The following CUX1 variants were observed in gnomAD, a reference collection of about 807,000 sequenced individuals.
CUX1 encodes the protein protein CASP.
A neutral mutation model predicts 158.8 loss-of-function variants in CUX1; 31 were observed. The observed-to-expected ratio is 0.20, with a 90% CI of 0.15 to 0.26. CUX1 has a LOEUF of 0.26. Ranked by LOEUF, CUX1 falls within the 10% of genes least tolerant of loss-of-function variation. CUX1 has a pLI of 1.00. For missense variants in CUX1, 1,589 were observed against 2,014.6 expected, an observed-to-expected ratio of 0.79 and a Z score of 4.04; for synonymous variants, 879 against 862.1, an observed-to-expected ratio of 1.02 and a Z score of -0.34.
chr7:101,969,079 GC>G (rs1185889342), intron 2 of CUX1, among the ~76,000 whole-genome samples: 2 of 151,724 alleles, frequency 1.3e-5, no homozygotes, highest in Non-Finnish European at 2.9e-5. Flanking sequence ...TGTAACCCCA[GC>G]ACTTTGGGAG....
At chr7:102,282,682 G>C in intron 21 of CUX1, 1 of 1,608,892 alleles carries the variant, frequency 6.2e-7, no homozygotes, top group Non-Finnish European at 8.5e-7. Flanking sequence ...TGAGGCGAAC[G>C]GGCAGCTCAC....
chr7:101,848,051 C>CAAAAA (rs57428019), intron 1 of CUX1, among the ~76,000 whole-genome samples: 1,177 of 64,514 alleles, frequency 0.018, no homozygotes, highest in East Asian at 0.026. Flanking sequence ...GAGCAAGACT[C>CAAAAA]AAAAAAAAAA....
Position 102,248,493 on chromosome 7 carries a change from G to A in CUX1, c.3969G>A (p.Ser1323=), listed in dbSNP as rs782601198. The A allele has an allele frequency of 4.5e-5, 71 of 1,571,412 alleles. No homozygotes were observed. In the African/African-American group the frequency reaches 5.5e-4, roughly 12 times the overall value. Residue 1323 remains serine (S), a synonymous_variant, in exon 24 of 24, where the codon TCG becomes TCA. Transcript: ENST00000292535. This position sits in a 1 kb window ranked among gnomAD's most constrained non-coding sequence, Gnocchi z 5.8. The part of the protein sequence containing the change: ...QGQAGASDSP[S]ARSGRAAPSS... ...AGGCGGGCGCCAGCGACTCACCCTC[G>A]GCCCGCAGCGGCCGGGCGGCGCCCA... is the stretch of plus-strand genomic sequence containing the variant.
chr7:102,106,072 CT>C (rs1370572773), intron 6 of CUX1, among the ~76,000 whole-genome samples: 3 of 105,960 alleles, frequency 2.8e-5, no homozygotes, highest in Non-Finnish European at 6.0e-5. Flanking sequence ...GTGAACTTTT[CT>C]TTTTTCTTTT....
Position 102,227,951 on chromosome 7 carries a change from C to CTTT in CUX1, c.3433+299_3433+301dup, listed in dbSNP as rs781968632. On this transcript the variant is annotated intron_variant, in intron 21 of 23. Transcript: ENST00000292535. ...TCCACACAGACTGTCTCTTTTTTTT[C>CTTT]TTTTTTTTTTTTTTTTTTTGAGACA... Among the ~76,000 whole-genome samples, 218 of 117,278 alleles carry CTTT rather than the reference C, an allele frequency of 1.9e-3. 2 individuals carry two copies. The highest frequency in any genetic ancestry group is 2.8e-3 in the Admixed American group (27 of 9,790). The allele number at this position is 117,278 out of a possible 152,430, so 76.9% of individuals were successfully genotyped here.
Position 102,239,416 on chromosome 7 carries a change from C to A in CUX1, c.3719C>A (p.Pro1240His), listed in dbSNP as rs782311384. 4 of 1,613,864 alleles carry A rather than the reference C, an allele frequency of 2.5e-6. No individual in the cohort carries two copies. The African/African-American group carries it at 4.0e-5, about 16-fold the overall frequency. ...TACAGCCAGGGCGCCAGCCCCCAGC[C>A]CCAGCACCAGCTGAAGAAACCCCGG... ...TEYSQGASPQ[P>H]QHQLKKPRVV... Residue 1240 changes from proline (P) to histidine (H), a missense_variant, in exon 23 of 24, where the codon CCC (proline) becomes CAC (histidine). Transcript: ENST00000292535.
chr7:102,257,795 T>C lies in CUX1; in HGVS notation c.*8753T>C, dbSNP rs1427044380. ...CTGTAACGCACCAAGTCTTAGATCT[T>C]TCTAGAGCTTGTTTGTTCATCCTCA... On this transcript the variant is annotated 3_prime_UTR_variant, in exon 24 of 24. Transcript: ENST00000292535. 2 of 985,096 alleles carry C rather than the reference T, an allele frequency of 2.0e-6. No homozygotes were observed. The highest frequency in any genetic ancestry group is 2.4e-6 in the Non-Finnish European group (2 of 829,894). 61.0% of individuals were successfully genotyped at this position (985,096 alleles called of 1,614,324 possible). A position where few individuals can be genotyped will look rare whatever the true frequency, so the allele number is the denominator to read the frequency against.
In CUX1 at chr7:102,196,702, C is replaced by T; in HGVS notation, c.1291C>T (p.Pro431Ser). 1 of 1,608,566 alleles carries T rather than the reference C, an allele frequency of 6.2e-7. No individual in the cohort carries two copies. Reference protein sequence around the residue: ...RRPGSLPAPPPSQLPRNPGEQ... With the variant: ...RRPGSLPAPPSSQLPRNPGEQ... The stretch of plus-strand genomic sequence containing the variant: ...CCCGGGATCTTTGCCGGCCCCCCCT[C>T]CTTCTCAGTTGCCCCGCAACCCGGG... Residue 431 changes from proline to serine, a missense_variant, in exon 15 of 24, where the codon CCT becomes TCT. Coordinates refer to ENST00000292535, the MANE Select transcript of CUX1 (RefSeq NM_181552.4).
At chr7:102,207,863 T>G (rs1796112016) in intron 20 of CUX1, among the ~76,000 whole-genome samples, 2 of 152,192 alleles carry the variant, frequency 1.3e-5, no homozygotes, top group African/African-American at 4.8e-5. Context: ...TCATATGGTT[T>G]TCCTCGTCTG....
Position 102,115,190 on chromosome 7 carries a change from A to G in CUX1, c.608-17A>G. On this transcript the variant is annotated splice_polypyrimidine_tract_variant and intron_variant, in intron 7 of 23. Transcript: ENST00000292535. ...TTAAAATTTCATTTAAATAGTTAGT[A>G]ATTCTTTGCCTTTCAGCCCTGGAAA... 1.2e-6 allele frequency: 2 copies of G among 1,604,680 alleles called. No homozygotes were observed. The highest frequency in any genetic ancestry group is 2.2e-5 in the South Asian group (2 of 89,714).
At chr7:101,823,782 GCT>G (rs1792948263) in intron 1 of CUX1, among the ~76,000 whole-genome samples, 1 of 152,198 alleles carries the variant, frequency 6.6e-6, no homozygotes, top group South Asian at 2.1e-4. Flanking sequence ...TGACAAATTA[GCT>G]CTTTCTTAAG....
intron 1 of CUX1, among the ~76,000 whole-genome samples, chr7:101,893,454 G>C (rs1801118429): frequency 1.3e-5 from 2 of 152,112 alleles, no homozygotes; most frequent in Non-Finnish European, 2.9e-5. Context: ...TCAGCTCCAG[G>C]CTGTGGTGTG....
rs1554488433 is a variant in CUX1 at position 102,106,349 on chromosome 7, A to G, written c.530+1890A>G. The stretch of plus-strand genomic sequence containing the variant: ...GTGATCTGCCCGCCTCGGCCTCCCA[A>G]AGTGCTGGGATTACAGGCGTGAGCC... On this transcript the variant is annotated intron_variant, in intron 6 of 23. Coordinates refer to ENST00000292535, the MANE Select transcript of CUX1 (RefSeq NM_181552.4). Among the ~76,000 whole-genome samples the G allele has an allele frequency of 2.6e-5, 4 of 152,052 alleles. No individual in the cohort carries two copies. In the South Asian group the frequency reaches 6.2e-4, roughly 24 times the overall value.
intron 4 of CUX1, among the ~76,000 whole-genome samples, chr7:102,081,064 G>A (rs1261963890): frequency 1.3e-5 from 2 of 152,182 alleles, no homozygotes; most frequent in Non-Finnish European, 2.9e-5. Flanking sequence ...ACTCCCCTGG[G>A]AGGTGACTGC....
upstream of CUX1, chr7:101,817,081 G>C (rs566829622): frequency 6.9e-4 from 683 of 984,644 alleles, no homozygotes; most frequent in Middle Eastern, 3.7e-3. This position sits in a 1 kb window ranked among gnomAD's most constrained non-coding sequence, Gnocchi z 4.1. Context: ...GGCGGCGGGG[G>C]TGCCCCGCGC....
At chr7:101,881,410 T>C (rs1799691449) in intron 1 of CUX1, among the ~76,000 whole-genome samples, 1 of 152,258 alleles carries the variant, frequency 6.6e-6, no homozygotes, top group South Asian at 2.1e-4. Context: ...GCTTCTTACC[T>C]TCCCATTAAT....
At chr7:102,156,097 T>C (rs1554505188) in intron 8 of CUX1, among the ~76,000 whole-genome samples, 1 of 152,160 alleles carries the variant, frequency 6.6e-6, no homozygotes, top group Admixed American at 6.6e-5. Context: ...TGGGAGTTGA[T>C]AAGACTACCT....
intron 2 of CUX1, among the ~76,000 whole-genome samples, chr7:101,971,001 G>A (rs1811880123): frequency 2.6e-5 from 4 of 152,196 alleles, no homozygotes; most frequent in African/African-American, 9.7e-5. Flanking sequence ...CTTATCTTAG[G>A]CACCTGCTTT....
intron 3 of CUX1, among the ~76,000 whole-genome samples, chr7:102,031,641 G>T (rs992871041): frequency 3.9e-5 from 6 of 152,040 alleles, no homozygotes; most frequent in Admixed American, 3.9e-4. Context: ...TCAAGCCTCC[G>T]CTAATTTATA....
Sources: allele counts gnomAD v4.1 joint callset (sites outside exome capture counted in the v4.1 genomes callset), GRCh38; gene constraint gnomAD v4.1.1; non-coding constraint Gnocchi (gnomAD v3.1); transcripts MANE v1.5; gene names NCBI Gene and HGNC (gene_info 2026-07-23, HGNC 2026-07-21).